GRHL1: variants seen among roughly 807,000 people sequenced by gnomAD.
GRHL1 encodes the protein grainyhead like transcription factor 1.
Under a neutral mutation model 75.7 loss-of-function variants are expected in GRHL1, and 38 were observed. The ratio of observed to expected loss-of-function variants is 0.50; its 90% confidence interval spans 0.39 to 0.66. GRHL1 has a LOEUF of 0.66. Among genes scored for constraint, GRHL1 ranks in the 30% least tolerant of loss-of-function variants. The pLI is 0.00. For synonymous variants in GRHL1, 266 were observed against 279.4 expected, an observed-to-expected ratio of 0.95 and a Z score of 0.48; for missense variants, 589 against 767.5, an observed-to-expected ratio of 0.77 and a Z score of 2.75.
At position 9,951,723 on chromosome 2, in the gene GRHL1, G is replaced by A. The variant is rs1666771903; in HGVS notation, c.-111G>A. 1.9e-6 allele frequency: 2 copies of A among 1,032,916 alleles called. No individual in the cohort carries two copies. Among genetic ancestry groups the A allele is most frequent in the Non-Finnish European group, 2.8e-6 (2 of 722,588 alleles). 64.0% of individuals were successfully genotyped at this position (1,032,916 alleles called of 1,614,324 possible). ...GAGAAAAGCAAACCCAACCCGTCGG[G>A]GCCGCCGCTCCGGACCCGCAGCCGC... is the stretch of plus-strand genomic sequence containing the variant. On this transcript the variant is annotated 5_prime_UTR_variant, in exon 1 of 16. Coordinates refer to ENST00000324907, the MANE Select transcript of GRHL1 (RefSeq NM_198182.3). This position sits in a 1 kb window ranked among gnomAD's most constrained non-coding sequence, Gnocchi z 4.2.
intron 4 of GRHL1, among the ~76,000 whole-genome samples, chr2:9,961,732 A>C (rs951824805): frequency 1.3e-5 from 2 of 152,178 alleles, no homozygotes; most frequent in African/African-American, 4.8e-5. Flanking sequence ...TCTGTTGACC[A>C]CAGGTAGATT....
At chr2:9,996,532 G>T (rs764259845) in intron 14 of GRHL1, 131 bp downstream of exon 14, 146 of 670,590 alleles carry the variant, frequency 2.2e-4, no homozygotes, top group Non-Finnish European at 5.6e-5. Context: ...CCTTTCTCGA[G>T]TCGTCGTGCG....
chr2:9,974,069 A>G (rs1236380476), intron 8 of GRHL1, among the ~76,000 whole-genome samples: 1 of 152,202 alleles, frequency 6.6e-6, no homozygotes, highest in Admixed American at 6.5e-5. Flanking sequence ...ATTTTTCCAC[A>G]AGGTGCTTCT....
chr2:9,999,335 A>G (rs887432358), intron 15 of GRHL1, among the ~76,000 whole-genome samples: 3 of 152,198 alleles, frequency 2.0e-5, no homozygotes, highest in Admixed American at 2.0e-4. Context: ...TCTCCAAGTC[A>G]CCTTCTTTGC....
At chr2:9,985,930 A>G (rs1668398263) in intron 8 of GRHL1, among the ~76,000 whole-genome samples, 194 bp from the exon 9 acceptor site, 2 of 152,320 alleles carry the variant, frequency 1.3e-5, no homozygotes, top group East Asian at 1.9e-4. Flanking sequence ...AAGGTCTGCT[A>G]TTTCTATGAC....
At chr2:9,965,455 A>AT (rs111854908) in intron 8 of GRHL1, 74 bp downstream of exon 8, 110,304 of 587,788 alleles carry the variant, frequency 0.19, 2,384 homozygotes, top group African/African-American at 0.26. Flanking sequence ...TTGACAACTG[A>AT]TTTTTTTTTT....
At chr2:9,966,669 G>A (rs986054389) in intron 8 of GRHL1, among the ~76,000 whole-genome samples, 1 of 152,040 alleles carries the variant, frequency 6.6e-6, no homozygotes, top group Non-Finnish European at 1.5e-5. Flanking sequence ...TCCTGCCCCA[G>A]AATGCTTTTG....
At position 9,990,326 on chromosome 2, in the gene GRHL1, T is replaced by C. The variant is rs2125240187; in HGVS notation, c.1270-370T>C. Among the ~76,000 whole-genome samples the C allele has an allele frequency of 6.6e-6, 1 of 151,984 alleles. No individual in the cohort carries two copies. Among genetic ancestry groups the C allele is most frequent in the Non-Finnish European group, 1.5e-5 (1 of 67,952 alleles). ...CTACCACGCCTGGCTAATTTTTGTA[T>C]TTTTAGTAGAGGTGGGGTTTCACCA... On this transcript the variant is annotated intron_variant, in intron 9 of 15. Transcript: ENST00000324907. The surrounding 1 kb of genome is among the most constrained non-coding windows in gnomAD (Gnocchi z 4.2).
intron 8 of GRHL1, among the ~76,000 whole-genome samples, chr2:9,985,159 G>A (rs1389561603): frequency 6.6e-6 from 1 of 152,094 alleles, no homozygotes; most frequent in Non-Finnish European, 1.5e-5. Flanking sequence ...GAAGCTCAAA[G>A]TCTGGTTTAG....
chr2:9,957,340 T>C (rs1667073947), intron 2 of GRHL1, among the ~76,000 whole-genome samples: 1 of 152,080 alleles, frequency 6.6e-6, no homozygotes, highest in South Asian at 2.1e-4. Flanking sequence ...TCTTTGGCTG[T>C]ATAAGCATCA....
intron 9 of GRHL1, among the ~76,000 whole-genome samples, chr2:9,989,284 A>G (rs1364897947): frequency 2.0e-5 from 3 of 152,206 alleles, no homozygotes; most frequent in African/African-American, 7.2e-5. Flanking sequence ...AATTTATTTA[A>G]CAGAAAAATA....
intron 8 of GRHL1, among the ~76,000 whole-genome samples, chr2:9,977,128 A>G (rs1277340289): frequency 6.6e-6 from 1 of 152,102 alleles, no homozygotes; most frequent in African/African-American, 2.4e-5. Flanking sequence ...CTGTAACTTT[A>G]TATTAGCTCT....
At chr2:9,980,240 CT>C (rs1430948875) in intron 8 of GRHL1, among the ~76,000 whole-genome samples, 1 of 151,676 alleles carries the variant, frequency 6.6e-6, no homozygotes, top group Non-Finnish European at 1.5e-5. Context: ...GTGAACAGCG[CT>C]TATGTGGCTG....
intron 14 of GRHL1, among the ~76,000 whole-genome samples, chr2:9,997,651 G>A: frequency 1.3e-5 from 2 of 151,732 alleles, no homozygotes; most frequent in Middle Eastern, 6.8e-3. Context: ...GAGAAACCCT[G>A]TCTCTACTAA....
intron 5 of GRHL1, 142 bp from the exon 6 acceptor site, chr2:9,963,744 A>G: frequency 3.6e-6 from 2 of 562,214 alleles, no homozygotes; most frequent in Non-Finnish European, 6.2e-6. Context: ...CCTCTGAGAG[A>G]CTTGAGAATT....
At chr2:9,970,034 G>A (rs918981859) in intron 8 of GRHL1, among the ~76,000 whole-genome samples, 4 of 151,928 alleles carry the variant, frequency 2.6e-5, no homozygotes, top group Non-Finnish European at 5.9e-5. Flanking sequence ...TAGTAGAGAC[G>A]GGGTTTCACC....
intron 8 of GRHL1, among the ~76,000 whole-genome samples, chr2:9,979,701 A>G (rs1282080801): frequency 6.6e-6 from 1 of 152,214 alleles, no homozygotes; most frequent in Non-Finnish European, 1.5e-5. Context: ...CTTATAGGTG[A>G]ATGATAATAC....
rs148739837 is a variant in GRHL1 at position 9,964,365 on chromosome 2, C to G, written c.1015+19C>G. On this transcript the variant is annotated intron_variant, in intron 7 of 15. Coordinates refer to ENST00000324907, the MANE Select transcript of GRHL1 (RefSeq NM_198182.3). ...GACATAGGTAAGCAGCTCAAGAGCC[C>G]GCTTTTATTCCCAGAGGTGCAGCCA... 1 of 1,289,288 alleles carries G rather than the reference C, an allele frequency of 7.8e-7. No homozygotes were observed. Among genetic ancestry groups the G allele is most frequent in the Admixed American group, 1.9e-5 (1 of 52,650 alleles). 79.9% of individuals were successfully genotyped at this position (1,289,288 alleles called of 1,614,324 possible).
chr2:9,977,591 G>T (rs1467131017), intron 8 of GRHL1, among the ~76,000 whole-genome samples: 1 of 152,178 alleles, frequency 6.6e-6, no homozygotes, highest in South Asian at 2.1e-4. Context: ...CAAAGTGCTG[G>T]GATTAACAGG....
Sources: allele counts gnomAD v4.1 joint callset (sites outside exome capture counted in the v4.1 genomes callset), GRCh38; gene constraint gnomAD v4.1.1; non-coding constraint Gnocchi (gnomAD v3.1); transcripts MANE v1.5; gene names NCBI Gene and HGNC (gene_info 2026-07-23, HGNC 2026-07-21).